Variants in PDE7B observed in about 807,000 individuals in gnomAD.
PDE7B encodes phosphodiesterase 7B.
PDE7B carries 29 observed loss-of-function variants against 56.2 expected under a neutral mutation model. The observed-to-expected ratio is 0.52, with a 90% CI of 0.38 to 0.70. The LOEUF is 0.70. PDE7B is among the 30% of genes least tolerant of loss of function. PDE7B has a pLI of 0.00. For synonymous variants in PDE7B, 197 were observed against 196.9 expected (o/e 1.00, Z 0.00); for missense variants, 490 against 565.0 (o/e 0.87, Z 1.35).
chr6:136,099,580 A>C (rs1777527308), intron 2 of PDE7B, among the ~76,000 whole-genome samples: 1 of 152,184 alleles, frequency 6.6e-6, no homozygotes, highest in Non-Finnish European at 1.5e-5. Context: ...TCTTCTTTTG[A>C]GAAGTGTCTG....
intron 2 of PDE7B, among the ~76,000 whole-genome samples, chr6:136,077,682 G>A (rs144229985): frequency 6.6e-6 from 1 of 152,154 alleles, no homozygotes; most frequent in Non-Finnish European, 1.5e-5. Context: ...CCAAAAGGCA[G>A]AATTTTACAA....
At chr6:135,974,036 C>A (rs549087354) in intron 2 of PDE7B, among the ~76,000 whole-genome samples, 3 of 152,110 alleles carry the variant, frequency 2.0e-5, no homozygotes, top group Non-Finnish European at 4.4e-5. Flanking sequence ...AATCAATGAA[C>A]AAGACTAAAC....
At chr6:135,862,513 GT>G (rs1775169756) in intron 1 of PDE7B, among the ~76,000 whole-genome samples, 1 of 151,730 alleles carries the variant, frequency 6.6e-6, no homozygotes, top group South Asian at 2.1e-4. Context: ...CCTTATCAAG[GT>G]TCCATTGACT....
chr6:135,935,190 T>TTTTATATATATATTTTTATATATATA (rs1436649469), intron 1 of PDE7B, among the ~76,000 whole-genome samples: 2 of 36,192 alleles, frequency 5.5e-5, no homozygotes, highest in African/African-American at 1.2e-4. Context: ...ATATATTTAT[T>TTTTATATATATATTTTTATATATATA]TATATATATA....
At chr6:135,934,919 TTAAA>T (rs1449476770) in intron 1 of PDE7B, among the ~76,000 whole-genome samples, 1 of 105,826 alleles carries the variant, frequency 9.4e-6, no homozygotes, top group African/African-American at 3.9e-5. Flanking sequence ...AAATATTTAT[TTAAA>T]TATATATTTA....
At chr6:136,177,982 G>A (rs1403606635) in intron 9 of PDE7B, among the ~76,000 whole-genome samples, 1 of 152,116 alleles carries the variant, frequency 6.6e-6, no homozygotes, top group East Asian at 1.9e-4. Context: ...CATCATGAAG[G>A]AATTTCAAAA....
At chr6:135,912,463 T>C (rs1465139030) in intron 1 of PDE7B, among the ~76,000 whole-genome samples, 1 of 152,148 alleles carries the variant, frequency 6.6e-6, no homozygotes, top group African/African-American at 2.4e-5. Context: ...CATTTTATAT[T>C]AGGGACTTGA....
chr6:135,999,256 C>T (rs1341976295), intron 2 of PDE7B, among the ~76,000 whole-genome samples: 1 of 152,122 alleles, frequency 6.6e-6, no homozygotes, highest in East Asian at 1.9e-4. Context: ...CCTTTGTTTA[C>T]CTTTTTTTCT....
intron 2 of PDE7B, among the ~76,000 whole-genome samples, chr6:135,992,363 C>G (rs1257475162): frequency 6.6e-6 from 1 of 152,192 alleles, no homozygotes; most frequent in African/African-American, 2.4e-5. Flanking sequence ...ATAGCAGTCT[C>G]TTAGATATAT....
intron 2 of PDE7B, among the ~76,000 whole-genome samples, chr6:136,016,141 CTA>C (rs1775972730): frequency 6.6e-6 from 1 of 152,144 alleles, no homozygotes; most frequent in African/African-American, 2.4e-5. Flanking sequence ...ACGGCTCCCT[CTA>C]ATACGTAGGA....
intron 2 of PDE7B, among the ~76,000 whole-genome samples, chr6:136,003,619 C>G (rs988053664): frequency 1.3e-5 from 2 of 149,886 alleles, no homozygotes; most frequent in African/African-American, 4.9e-5. Flanking sequence ...GGATAAATTC[C>G]TGGACACATA....
rs1332962830 is a variant in PDE7B at position 136,020,210 on chromosome 6, G to A, written c.82+72686G>A. Among the ~76,000 whole-genome samples, 4 of 152,150 alleles carry A rather than the reference G, an allele frequency of 2.6e-5. No individual in the cohort carries two copies. The South Asian group carries it at 8.3e-4, about 32-fold the overall frequency. Reference sequence around the variant, plus strand: ...GTGAAGGTATTTCTGTGTGTGGATAGTTGTTCAAATGGATGTTTCTCGTGG... The same window carrying A: ...GTGAAGGTATTTCTGTGTGTGGATAATTGTTCAAATGGATGTTTCTCGTGG... On this transcript the variant is annotated intron_variant, in intron 2 of 12. Transcript: ENST00000308191.
intron 1 of PDE7B, among the ~76,000 whole-genome samples, chr6:135,880,367 T>TA (rs1390687839): frequency 6.6e-6 from 1 of 152,166 alleles, no homozygotes; most frequent in Non-Finnish European, 1.5e-5. Flanking sequence ...AACAAACACT[T>TA]ATGAAATACC....
At chr6:136,116,702 G>A (rs894638120) in intron 3 of PDE7B, among the ~76,000 whole-genome samples, 2 of 152,202 alleles carry the variant, frequency 1.3e-5, no homozygotes, top group African/African-American at 4.8e-5. Context: ...GAGTGGAAAT[G>A]TCCGGAAGAA....
intron 2 of PDE7B, among the ~76,000 whole-genome samples, chr6:136,089,783 G>C (rs184029405): frequency 6.6e-6 from 1 of 152,178 alleles, no homozygotes. Context: ...CCAGTTATTG[G>C]TCATAATTAG....
At chr6:136,143,171 G>T (rs749616830) in intron 3 of PDE7B, among the ~76,000 whole-genome samples, 46 of 151,980 alleles carry the variant, frequency 3.0e-4, no homozygotes, top group Non-Finnish European at 6.0e-4. Context: ...CTCAGCATTT[G>T]CTTGTCTGTA....
At chr6:136,018,956 C>T (rs942183501) in intron 2 of PDE7B, among the ~76,000 whole-genome samples, 6 of 152,122 alleles carry the variant, frequency 3.9e-5, no homozygotes, top group African/African-American at 1.4e-4. Context: ...CTGGGCTTCC[C>T]CCTTCCCTCT....
intron 1 of PDE7B, among the ~76,000 whole-genome samples, chr6:135,890,326 G>T (rs1775788601): frequency 6.6e-6 from 1 of 152,130 alleles, no homozygotes; most frequent in Non-Finnish European, 1.5e-5. Flanking sequence ...TTATCAGACA[G>T]GTTCTAGATA....
At chr6:136,131,004 G>A (rs909875224) in intron 3 of PDE7B, among the ~76,000 whole-genome samples, 2 of 152,102 alleles carry the variant, frequency 1.3e-5, no homozygotes, top group Non-Finnish European at 2.9e-5. Context: ...GGAATTATGG[G>A]AGCTACAATT....
Sources: gnomAD v4.1 joint callset for allele counts (sites outside exome capture counted in the v4.1 genomes callset) on GRCh38, gnomAD v4.1.1 for gene constraint, MANE v1.5 for transcripts, NCBI Gene and HGNC (gene_info 2026-07-23, HGNC 2026-07-21) for gene names.